Variants in GFRAL observed in about 807,000 individuals in gnomAD.
GFRAL encodes GDNF family receptor alpha like, also known as GDNF family receptor alpha-like.
Under a neutral mutation model 45.4 loss-of-function variants are expected in GFRAL, and 36 were observed. That is an observed-to-expected ratio of 0.79 (90% CI 0.61 to 1.05). GFRAL has a LOEUF of 1.05. Ranked by LOEUF, GFRAL falls within the 50% of genes least tolerant of loss-of-function variation. The pLI, the probability that GFRAL is intolerant of heterozygous loss-of-function variation, is 0.00. For missense variants in GFRAL, 507 were observed against 467.5 expected, an observed-to-expected ratio of 1.08 and a Z score of -0.78; for synonymous variants, 166 against 154.1, an observed-to-expected ratio of 1.08 and a Z score of -0.57.
In GFRAL at chr6:55,331,696, T is replaced by C. The variant is rs1562046494; in HGVS notation, c.23-19T>C. On this transcript the variant is annotated intron_variant, in intron 1 of 8. Transcript: ENST00000340465. Reference sequence around the variant, plus strand: ...GCCAAATTTATATTACAACCTTGTTTTTGTTGTTGTTATTCAAGCTATGGG... The same window carrying C: ...GCCAAATTTATATTACAACCTTGTTCTTGTTGTTGTTATTCAAGCTATGGG... 6.3e-7 allele frequency: 1 copy of C among 1,591,896 alleles called. No homozygotes were observed.
intron 3 of GFRAL, among the ~76,000 whole-genome samples, chr6:55,344,568 A>C (rs981256527): frequency 6.6e-6 from 1 of 152,162 alleles, no homozygotes; most frequent in Non-Finnish European, 1.5e-5. Flanking sequence ...TTTATGACAA[A>C]CCCACAGTCA....
At chr6:55,398,528 T>C (rs1267698171) in intron 6 of GFRAL, among the ~76,000 whole-genome samples, 1 of 152,236 alleles carries the variant, frequency 6.6e-6, no homozygotes, top group Non-Finnish European at 1.5e-5. Context: ...TTTCTGTTGT[T>C]AAAGTAGAAA....
In GFRAL at chr6:55,366,989, G is replaced by A. The variant is rs1391535254; in HGVS notation, c.952+7851G>A. Among the ~76,000 whole-genome samples, 4 of 43,396 alleles carry A rather than the reference G, an allele frequency of 9.2e-5. 1 individual carries two copies. The highest frequency in any genetic ancestry group is 1.8e-3 in the South Asian group (2 of 1,108). The allele number at this position is 43,396 out of a possible 152,430, so 28.5% of individuals were successfully genotyped here. A position where few individuals can be genotyped will look rare whatever the true frequency, so the allele number is the denominator to read the frequency against. On this transcript the variant is annotated intron_variant, in intron 6 of 8. Coordinates refer to ENST00000340465, the MANE Select transcript of GFRAL (RefSeq NM_207410.2). ...GTGCAGAGCTGAGTTCAATTCCTGG[G>A]TATCCTTGTTGACTTTCTGTCTCGT...
intron 6 of GFRAL, among the ~76,000 whole-genome samples, chr6:55,370,872 A>G (rs1462959716): frequency 6.6e-6 from 1 of 152,210 alleles, no homozygotes; most frequent in East Asian, 1.9e-4. Flanking sequence ...AATAAAGCAC[A>G]CAAGAGGTGG....
chr6:55,360,645 G>A (rs930702126), intron 6 of GFRAL, among the ~76,000 whole-genome samples: 3 of 151,828 alleles, frequency 2.0e-5, no homozygotes, highest in African/African-American at 2.4e-5. Flanking sequence ...CTGAAATCAC[G>A]ATACAGAGAA....
At chr6:55,361,315 G>A (rs563315493) in intron 6 of GFRAL, among the ~76,000 whole-genome samples, 4 of 151,946 alleles carry the variant, frequency 2.6e-5, no homozygotes, top group East Asian at 3.9e-4. Context: ...GACTCAAATG[G>A]ACACCAAAAT....
At position 55,339,723 on chromosome 6, in the gene GFRAL, G is replaced by T. The variant is rs540308579; in HGVS notation, c.316+5779G>T. Among the ~76,000 whole-genome samples, 6 of 152,300 alleles carry T rather than the reference G, an allele frequency of 3.9e-5. No homozygotes were observed. The South Asian group carries it at 1.2e-3, about 32-fold the overall frequency. On this transcript the variant is annotated intron_variant, in intron 3 of 8. Coordinates refer to ENST00000340465, the MANE Select transcript of GFRAL (RefSeq NM_207410.2). The stretch of plus-strand genomic sequence containing the variant: ...TACTTAGTAGATATTACTAGTTTTA[G>T]ATTAATTAGGCTGAAATGTTAGCAT...
intron 6 of GFRAL, among the ~76,000 whole-genome samples, chr6:55,394,039 C>T (rs1385777494): frequency 6.6e-6 from 1 of 151,886 alleles, no homozygotes; most frequent in Non-Finnish European, 1.5e-5. Context: ...TATGTAAAAT[C>T]AACAAGACAA....
intron 6 of GFRAL, among the ~76,000 whole-genome samples, chr6:55,395,194 A>ATATATATATATATATATATATATATAT (rs1768808613): frequency 1.4e-5 from 2 of 147,762 alleles, no homozygotes; most frequent in African/African-American, 5.0e-5. Flanking sequence ...ATATATATAT[A>ATATATATATATATATATATATATATAT]AGCCAGCTAG....
chr6:55,346,831 T>TA (rs1562051585), intron 3 of GFRAL, among the ~76,000 whole-genome samples: 9 of 21,522 alleles, frequency 4.2e-4, no homozygotes, highest in Admixed American at 1.1e-3. Flanking sequence ...AAACAAGAAA[T>TA]CCCCCCCCCC....
At position 55,358,779 on chromosome 6, in the gene GFRAL, C is replaced by A. The variant is rs539251723; in HGVS notation, c.702-109C>A. ...AATTTACTTTTCAACTATGTACTGG[C>A]ATCTCGAAGGCATTGTGTTCTATGT... is the stretch of plus-strand genomic sequence containing the variant. On this transcript the variant is annotated intron_variant, in intron 5 of 8. Coordinates refer to ENST00000340465, the MANE Select transcript of GFRAL (RefSeq NM_207410.2). 19 of 940,258 alleles carry A rather than the reference C, an allele frequency of 2.0e-5. No homozygotes were observed. The South Asian group carries it at 3.0e-4, about 15-fold the overall frequency. 58.2% of individuals were successfully genotyped at this position (940,258 alleles called of 1,614,324 possible).
At chr6:55,383,592 A>G (rs1000878790) in intron 6 of GFRAL, among the ~76,000 whole-genome samples, 4 of 152,018 alleles carry the variant, frequency 2.6e-5, no homozygotes, top group African/African-American at 9.7e-5. Context: ...GATCTGTAGT[A>G]GGCTATACCA....
At chr6:55,353,570 G>A (rs1768148279) in intron 5 of GFRAL, among the ~76,000 whole-genome samples, 1 of 151,982 alleles carries the variant, frequency 6.6e-6, no homozygotes, top group Admixed American at 6.6e-5. Context: ...TTTTTCTTGA[G>A]TGAATAAGGC....
At chr6:55,357,137 C>A (rs918026026) in intron 5 of GFRAL, among the ~76,000 whole-genome samples, 4 of 151,822 alleles carry the variant, frequency 2.6e-5, no homozygotes, top group African/African-American at 9.7e-5. Context: ...CAACGATCTG[C>A]GTGCTGAGGA....
In GFRAL at chr6:55,354,534, A is replaced by C. The variant is rs140331657; in HGVS notation, c.701+2951A>C. Among the ~76,000 whole-genome samples the C allele has an allele frequency of 3.6e-3, 553 of 152,124 alleles. 3 individuals are homozygous for C. Among genetic ancestry groups the C allele is most frequent in the Non-Finnish European group, 5.7e-3 (386 of 67,968 alleles). ...TTCAATTTCCTTTCACTATGTGCAA[A>C]TAGTCCCTTAATCAGTACTTTATAG... On this transcript the variant is annotated intron_variant, in intron 5 of 8. Coordinates refer to ENST00000340465, the MANE Select transcript of GFRAL (RefSeq NM_207410.2).
At chr6:55,354,194 C>T (rs535279801) in intron 5 of GFRAL, among the ~76,000 whole-genome samples, 21 of 152,076 alleles carry the variant, frequency 1.4e-4, no homozygotes, top group African/African-American at 5.1e-4. Context: ...GGCTCTGCTG[C>T]TATAGTCCTT....
chr6:55,377,429 A>T (rs576762470), intron 6 of GFRAL, among the ~76,000 whole-genome samples: 1 of 152,080 alleles, frequency 6.6e-6, no homozygotes, highest in Admixed American at 6.6e-5. Context: ...AGAGGAATTT[A>T]GGTGTTATAC....
At chr6:55,347,895 A>G (rs1191083058) in intron 3 of GFRAL, among the ~76,000 whole-genome samples, 3 of 152,160 alleles carry the variant, frequency 2.0e-5, no homozygotes, top group Non-Finnish European at 2.9e-5. Flanking sequence ...ATTTAATTCA[A>G]CTAGTCATTT....
intron 6 of GFRAL, among the ~76,000 whole-genome samples, chr6:55,371,449 A>G (rs1768449189): frequency 6.6e-6 from 1 of 151,908 alleles, no homozygotes; most frequent in Admixed American, 6.6e-5. Context: ...CCTCCCCACC[A>G]CTTCCTATAA....
Sources: allele counts gnomAD v4.1 joint callset (sites outside exome capture counted in the v4.1 genomes callset), GRCh38; gene constraint gnomAD v4.1.1; transcripts MANE v1.5; gene names NCBI Gene and HGNC (gene_info 2026-07-23, HGNC 2026-07-21).